The following CLMP variants were observed in gnomAD, a reference collection of about 807,000 sequenced individuals.
CLMP encodes CXADR-like membrane protein.
CLMP carries 27 observed loss-of-function variants against 45.2 expected under a neutral mutation model. The ratio of observed to expected loss-of-function variants is 0.60; its 90% CI spans 0.44 to 0.82. The LOEUF (loss-of-function observed/expected upper bound fraction) is 0.82. Among genes scored for constraint, CLMP ranks in the 40% least tolerant of loss-of-function variants. The pLI is 0.00. For synonymous variants in CLMP, 167 were observed against 171.4 expected (o/e 0.97, Z 0.20); for missense variants, 403 against 448.4 (o/e 0.90, Z 0.91).
rs540380855 is a variant in CLMP, at chr11:123,075,472, C to T, written c.680-629G>A. ...CGCGATCTCGGCTCACTGCAAGCTC[C>T]GCCTCCCGGATTCACGCCATTCTCC... is the stretch of plus-strand genomic sequence containing the variant. On this transcript the variant is annotated intron_variant, in intron 5 of 6. Transcript: ENST00000448775. Among the ~76,000 whole-genome samples, 36 of 151,992 alleles carry T rather than the reference C, an allele frequency of 2.4e-4. 1 individual carries two copies. In the South Asian group the frequency reaches 2.9e-3, roughly 12 times the overall value.
intron 1 of CLMP, among the ~76,000 whole-genome samples, chr11:123,171,957 GT>G (rs1344462207): frequency 6.6e-6 from 1 of 151,880 alleles, no homozygotes; most frequent in Non-Finnish European, 1.5e-5. Context: ...CTTCCAGGCT[GT>G]TTTCTAAGCA....
chr11:123,123,198 A>T (rs1018394645), intron 1 of CLMP, among the ~76,000 whole-genome samples: 8 of 151,078 alleles, frequency 5.3e-5, no homozygotes, highest in Admixed American at 2.0e-4. Context: ...CAGGCACGTG[A>T]ACTCTGCAGA....
At chr11:123,171,725 T>C (rs1333537189) in intron 1 of CLMP, among the ~76,000 whole-genome samples, 1 of 152,168 alleles carries the variant, frequency 6.6e-6, no homozygotes, top group Non-Finnish European at 1.5e-5. Flanking sequence ...ATTGCAGGCA[T>C]GAGCCACCGC....
chr11:123,100,925 G>T (rs1866050218), intron 1 of CLMP, among the ~76,000 whole-genome samples: 1 of 151,782 alleles, frequency 6.6e-6, no homozygotes, highest in African/African-American at 2.4e-5. Flanking sequence ...CTAGAGACAG[G>T]TTACTACCCT....
At chr11:123,189,386 A>C (rs1016914013) in intron 1 of CLMP, among the ~76,000 whole-genome samples, 1 of 152,228 alleles carries the variant, frequency 6.6e-6, no homozygotes, top group Non-Finnish European at 1.5e-5. Flanking sequence ...CTAGAGAAAG[A>C]AGCTCACTTT....
At chr11:123,135,272 A>AAAAAC (rs1482250019) in intron 1 of CLMP, among the ~76,000 whole-genome samples, 5 of 139,592 alleles carry the variant, frequency 3.6e-5, no homozygotes, top group Non-Finnish European at 7.7e-5. Context: ...AAAAAAAAAA[A>AAAAAC]AAACCTGAGA....
At chr11:123,164,462 C>T (rs1043961592) in intron 1 of CLMP, among the ~76,000 whole-genome samples, 1 of 152,224 alleles carries the variant, frequency 6.6e-6, no homozygotes, top group Admixed American at 6.5e-5. Context: ...TGCCACCACG[C>T]CTAGCTAGTT....
chr11:123,106,382 G>GAGGT (rs1175727367), intron 1 of CLMP, among the ~76,000 whole-genome samples: 8 of 135,200 alleles, frequency 5.9e-5, no homozygotes, highest in Non-Finnish European at 1.1e-4. Flanking sequence ...TTCTGTAGGA[G>GAGGT]GTGTGTGTGT....
intron 5 of CLMP, among the ~76,000 whole-genome samples, chr11:123,075,937 C>T (rs976168709): frequency 1.3e-5 from 2 of 152,086 alleles, no homozygotes; most frequent in African/African-American, 4.8e-5. Flanking sequence ...CTTTGGGAGG[C>T]TGACGTGGGC....
intron 1 of CLMP, among the ~76,000 whole-genome samples, chr11:123,194,676 C>T (rs879373990): frequency 2.6e-5 from 4 of 152,240 alleles, no homozygotes; most frequent in Admixed American, 1.3e-4. Flanking sequence ...GAGGACCCTG[C>T]ACATCAAACG....
chr11:123,155,920 G>A (rs906823715), intron 1 of CLMP, among the ~76,000 whole-genome samples: 2 of 152,186 alleles, frequency 1.3e-5, no homozygotes, highest in Non-Finnish European at 2.9e-5. Flanking sequence ...CCCACATGGG[G>A]AGGAACTGAG....
chr11:123,097,996 G>A (rs760771538), intron 1 of CLMP, 44 bp from the exon 2 acceptor site: 7 of 1,424,660 alleles, frequency 4.9e-6, no homozygotes, highest in South Asian at 4.6e-5. Flanking sequence ...AGACTGGATG[G>A]CAATGTGTGG....
rs1250403323 is a variant in CLMP, at chr11:123,078,705, C to T, written c.680-3862G>A. On this transcript the variant is annotated intron_variant, in intron 5 of 6. Coordinates refer to ENST00000448775, the MANE Select transcript of CLMP (RefSeq NM_024769.5). Reference sequence around the variant, plus strand: ...TGTCGCCTAGGCTGGAGTGCAGTGGCGGGATCTCGGCTCACTGCAAGCTCC... The same window carrying T: ...TGTCGCCTAGGCTGGAGTGCAGTGGTGGGATCTCGGCTCACTGCAAGCTCC... 8.8e-5 allele frequency among the ~76,000 whole-genome samples: 13 copies of T among 147,772 alleles called. 1 individual carries two copies. Among genetic ancestry groups the T allele is most frequent in the Non-Finnish European group, 1.6e-4 (11 of 67,354 alleles).
At chr11:123,132,786 TA>T (rs1272488444) in intron 1 of CLMP, among the ~76,000 whole-genome samples, 15 of 149,844 alleles carry the variant, frequency 1.0e-4, no homozygotes, top group Admixed American at 2.0e-4. Flanking sequence ...TTTATTTATT[TA>T]TTTTTTTTTG....
At position 123,084,624 on chromosome 11, in the gene CLMP, T is replaced by C; in HGVS notation, c.276A>G (p.Gly92=). ...RVAFASNFLA[G]DASLQIEPLK... ...GAGGTTCAATCTGCAAGGAGGCATC[T>C]CCTGCCAGGAAATTGGAAGCAAAGG... Residue 92 remains glycine (G), a synonymous_variant, in exon 3 of 7, where the codon GGA becomes GGG. Coordinates refer to ENST00000448775, the MANE Select transcript of CLMP (RefSeq NM_024769.5). The C allele has an allele frequency of 6.2e-7, 1 of 1,614,174 alleles. No individual in the cohort carries two copies. The highest frequency in any genetic ancestry group is 8.5e-7 in the Non-Finnish European group (1 of 1,180,020).
chr11:123,109,522 C>G (rs928032687), intron 1 of CLMP, among the ~76,000 whole-genome samples: 9 of 152,100 alleles, frequency 5.9e-5, no homozygotes, highest in African/African-American at 2.2e-4. Flanking sequence ...TCCTTGAAAC[C>G]GGCAGATTGG....
intron 1 of CLMP, among the ~76,000 whole-genome samples, chr11:123,150,476 AAAGAAAGGAAGGAAGGAAGG>A (rs1565397414): frequency 7.9e-4 from 48 of 60,662 alleles, no homozygotes; most frequent in Admixed American, 5.4e-3. Context: ...AGAAAGAAAG[AAAGAAAGGAAGGAAGGAAGG>A]AAGGAAGGAA....
chr11:123,121,621 A>T lies in CLMP; in HGVS notation c.29-23669T>A, dbSNP rs953167478. On this transcript the variant is annotated intron_variant, in intron 1 of 6. Transcript: ENST00000448775. The stretch of plus-strand genomic sequence containing the variant: ...CCAGAGAAAAATTTTAAAATCACAT[A>T]TCTGTCAGTGGGAGGTGGGTAATGG... Among the ~76,000 whole-genome samples, 6 of 152,102 alleles carry T rather than the reference A, an allele frequency of 3.9e-5. No homozygotes were observed. In the East Asian group the frequency reaches 1.2e-3, roughly 30 times the overall value.
chr11:123,083,278 T>C, intron 4 of CLMP, 71 bp from the exon 5 acceptor site: 1 of 1,408,654 alleles, frequency 7.1e-7, no homozygotes, highest in South Asian at 1.2e-5. Context: ...TACTTTATTG[T>C]ATCACTGAGC....
Sources: allele counts gnomAD v4.1 joint callset (sites outside exome capture counted in the v4.1 genomes callset), GRCh38; gene constraint gnomAD v4.1.1; transcripts MANE v1.5; gene names NCBI Gene and HGNC (gene_info 2026-07-23, HGNC 2026-07-21).